The following CNTNAP4 variants were observed in gnomAD, a reference collection of about 807,000 sequenced individuals.
CNTNAP4 encodes contactin associated protein family member 4, also known as contactin-associated protein-like 4.
Under a neutral mutation model 148.4 loss-of-function variants are expected in CNTNAP4, and 98 were observed. That is an observed-to-expected ratio of 0.66 (90% CI 0.56 to 0.78). CNTNAP4 has a LOEUF of 0.78. Ranked by LOEUF, CNTNAP4 falls within the 30% of genes least tolerant of loss-of-function variation. The probability of loss-of-function intolerance (pLI) is 0.00; values close to 1 mark genes in which losing one functional copy is unlikely to be tolerated. For synonymous variants in CNTNAP4, 730 were observed against 565.1 expected (o/e 1.29, Z -4.14); for missense variants, 1,935 against 1,565.6 (o/e 1.24, Z -3.98).
chr16:76,504,900 A>G (rs1158296541), intron 15 of CNTNAP4, among the ~76,000 whole-genome samples: 1 of 152,290 alleles, frequency 6.6e-6, no homozygotes, highest in African/African-American at 2.4e-5. Flanking sequence ...TCGTACCACA[A>G]TGTGATACCA....
chr16:76,310,827 C>A (rs1036167908), intron 1 of CNTNAP4, among the ~76,000 whole-genome samples: 1 of 151,204 alleles, frequency 6.6e-6, no homozygotes. Flanking sequence ...TATTTTAGGT[C>A]ACCAGTGCTT....
rs2012411757 is a variant in CNTNAP4 at position 76,355,171 on chromosome 16, A to G, written c.197-147A>G. Reference sequence around the variant, plus strand: ...ATAATTATACTAAATTCTTACCTCTATATTTTTCTACAATTATAAGAAGTT... The same window carrying G: ...ATAATTATACTAAATTCTTACCTCTGTATTTTTCTACAATTATAAGAAGTT... On this transcript the variant is annotated intron_variant, in intron 2 of 23. Coordinates refer to ENST00000611870, the MANE Select transcript of CNTNAP4 (RefSeq NM_033401.5). 2.1e-5 allele frequency: 10 copies of G among 483,116 alleles called. No individual in the cohort carries two copies. In the South Asian group the frequency reaches 4.0e-4, roughly 19 times the overall value. 29.9% of individuals were successfully genotyped at this position (483,116 alleles called of 1,614,324 possible). A position where few individuals can be genotyped will look rare whatever the true frequency, so the allele number is the denominator to read the frequency against.
chr16:76,353,052 T>G (rs914932838), intron 2 of CNTNAP4, among the ~76,000 whole-genome samples: 7 of 152,174 alleles, frequency 4.6e-5, no homozygotes, highest in Admixed American at 3.9e-4. Flanking sequence ...ACAACGAAAC[T>G]GCACCCCAAA....
chr16:76,277,688 T>C lies in CNTNAP4; in HGVS notation c.26T>C (p.Leu9Pro). ...ATGGGATCTGTCACGGGAGCTGTCCTCAAGACGCTACTTCTGTTATCTACT... is the reference window on the plus strand; with the variant it reads ...ATGGGATCTGTCACGGGAGCTGTCCCCAAGACGCTACTTCTGTTATCTACT... Reference protein sequence around the residue: MGSVTGAVLKTLLLLSTQN... With the variant: MGSVTGAVPKTLLLLSTQN... Residue 9 changes from leucine to proline, a missense_variant, in exon 1 of 24, where the codon CTC becomes CCC. Transcript: ENST00000611870. 1.2e-6 allele frequency: 2 copies of C among 1,606,068 alleles called. No homozygotes were observed. The highest frequency in any genetic ancestry group is 1.7e-6 in the Non-Finnish European group (2 of 1,175,970).
At chr16:76,497,781 G>C (rs774398930) in intron 14 of CNTNAP4, among the ~76,000 whole-genome samples, 9 of 151,996 alleles carry the variant, frequency 5.9e-5, no homozygotes, top group African/African-American at 2.2e-4. Flanking sequence ...ACCATGGCCC[G>C]TGTATACCTG....
At chr16:76,441,522 A>G (rs2080040139) in intron 4 of CNTNAP4, among the ~76,000 whole-genome samples, 1 of 152,044 alleles carries the variant, frequency 6.6e-6, no homozygotes, top group Admixed American at 6.6e-5. Context: ...GTAAATGTGA[A>G]GATTTGAGAT....
intron 3 of CNTNAP4, among the ~76,000 whole-genome samples, chr16:76,420,709 C>A (rs1247938716): frequency 6.6e-6 from 1 of 151,914 alleles, no homozygotes; most frequent in Non-Finnish European, 1.5e-5. Context: ...CGAAACTACC[C>A]AGCTATTGTT....
In CNTNAP4 at chr16:76,333,049, C is replaced by G. The variant is rs375167944; in HGVS notation, c.196+16526C>G. 3.3e-5 allele frequency among the ~76,000 whole-genome samples: 5 copies of G among 152,282 alleles called. No homozygotes were observed. In the East Asian group the frequency reaches 9.6e-4, roughly 29 times the overall value. ...ACTTTACACTCATTAACAGATGTTTCTTTCATAAAGGAAGTTAAACTATTC... is the reference window on the plus strand; with the variant it reads ...ACTTTACACTCATTAACAGATGTTTGTTTCATAAAGGAAGTTAAACTATTC... On this transcript the variant is annotated intron_variant, in intron 2 of 23. Transcript: ENST00000611870.
At chr16:76,475,443 A>G (rs1400713999) in intron 10 of CNTNAP4, among the ~76,000 whole-genome samples, 3 of 152,162 alleles carry the variant, frequency 2.0e-5, no homozygotes, top group Non-Finnish European at 4.4e-5. Context: ...TTTGCACCTT[A>G]GAGCACCCCA....
chr16:76,542,686 G>A (rs1054965067), intron 21 of CNTNAP4, among the ~76,000 whole-genome samples: 14 of 152,128 alleles, frequency 9.2e-5, no homozygotes, highest in Admixed American at 1.3e-4. Context: ...AGAAGACTCA[G>A]CTCCTTATTC....
At chr16:76,359,619 A>G (rs945100518) in intron 3 of CNTNAP4, among the ~76,000 whole-genome samples, 3 of 152,164 alleles carry the variant, frequency 2.0e-5, no homozygotes, top group Non-Finnish European at 4.4e-5. Context: ...ATTTTAAAAT[A>G]TTACACATTG....
intron 2 of CNTNAP4, among the ~76,000 whole-genome samples, chr16:76,349,148 C>T (rs1965164060): frequency 6.6e-6 from 1 of 152,110 alleles, no homozygotes; most frequent in African/African-American, 2.4e-5. Context: ...CACTTCATTT[C>T]TCAACTCTCC....
chr16:76,404,956 C>A (rs1488804192), intron 3 of CNTNAP4, among the ~76,000 whole-genome samples: 1 of 151,988 alleles, frequency 6.6e-6, no homozygotes, highest in Non-Finnish European at 1.5e-5. Flanking sequence ...ACAATGTATG[C>A]AAAAATCAAA....
chr16:76,337,426 T>C (rs1179830425), intron 2 of CNTNAP4, among the ~76,000 whole-genome samples: 1 of 152,188 alleles, frequency 6.6e-6, no homozygotes, highest in African/African-American at 2.4e-5. Flanking sequence ...GATGCCTACC[T>C]GAGCTGCAAA....
At chr16:76,418,339 AGC>A (rs2079058332) in intron 3 of CNTNAP4, among the ~76,000 whole-genome samples, 3 of 119,012 alleles carry the variant, frequency 2.5e-5, no homozygotes, top group Non-Finnish European at 5.9e-5. Flanking sequence ...TTTCTATTAC[AGC>A]TTTTTTTTTC....
intron 1 of CNTNAP4, among the ~76,000 whole-genome samples, chr16:76,308,192 T>A (rs1037381611): frequency 1.3e-5 from 2 of 152,172 alleles, no homozygotes; most frequent in African/African-American, 4.8e-5. Context: ...TTCAAATATC[T>A]AAAACCAGGA....
At chr16:76,436,989 C>CTATCTATCTCTT (rs144797032) in intron 4 of CNTNAP4, among the ~76,000 whole-genome samples, 2 of 151,298 alleles carry the variant, frequency 1.3e-5, no homozygotes, top group Non-Finnish European at 2.9e-5. Context: ...ATCTATCTGT[C>CTATCTATCTCTT]TATCTAGGAG....
At chr16:76,473,718 G>C (rs2081453580) in intron 10 of CNTNAP4, among the ~76,000 whole-genome samples, 2 of 152,100 alleles carry the variant, frequency 1.3e-5, no homozygotes, top group Non-Finnish European at 2.9e-5. Context: ...AGCTTGCAGT[G>C]AGCCAAGATC....
chr16:76,318,059 C>G (rs897039563), intron 2 of CNTNAP4, among the ~76,000 whole-genome samples: 12 of 152,162 alleles, frequency 7.9e-5, no homozygotes, highest in African/African-American at 2.9e-4. Context: ...GAGTCCCTGA[C>G]CCATCAGGGG....
Sources: gnomAD v4.1 joint callset for allele counts (sites outside exome capture counted in the v4.1 genomes callset) on GRCh38, gnomAD v4.1.1 for gene constraint, MANE v1.5 for transcripts, NCBI Gene and HGNC (gene_info 2026-07-23, HGNC 2026-07-21) for gene names.